Variants in PHACTR3 observed in about 807,000 individuals in gnomAD.
The protein encoded by PHACTR3 is phosphatase and actin regulator 3.
In PHACTR3, 16 loss-of-function variants were observed where a neutral mutation model predicts 66.8. That is an observed-to-expected ratio of 0.24 (90% CI 0.16 to 0.36). The LOEUF is 0.36. PHACTR3 is among the 10% of genes least tolerant of loss of function. The pLI is 1.00. For synonymous variants in PHACTR3, 323 were observed against 292.1 expected, an observed-to-expected ratio of 1.11 and a Z score of -1.08; for missense variants, 647 against 719.9, an observed-to-expected ratio of 0.90 and a Z score of 1.16.
At chr20:59,628,669 G>T (rs2034553095) in intron 1 of PHACTR3, 3 of 985,254 alleles carry the variant, frequency 3.0e-6, no homozygotes, top group Non-Finnish European at 3.6e-6. Context: ...ACTCCTGGTT[G>T]GTCTCAAGAC....
At chr20:59,616,096 A>G (rs989415337) in intron 1 of PHACTR3, among the ~76,000 whole-genome samples, 2 of 152,306 alleles carry the variant, frequency 1.3e-5, no homozygotes, top group Admixed American at 6.5e-5. Context: ...GCTTTGGAAG[A>G]TCTACCTAAC....
intron 1 of PHACTR3, among the ~76,000 whole-genome samples, chr20:59,669,279 C>G (rs1207426456): frequency 1.3e-5 from 2 of 152,182 alleles, no homozygotes; most frequent in Non-Finnish European, 1.5e-5. Context: ...TCAGCATTCC[C>G]TGTCTCAAGA....
At chr20:59,754,319 C>A (rs2039706164) in intron 3 of PHACTR3, among the ~76,000 whole-genome samples, 1 of 152,214 alleles carries the variant, frequency 6.6e-6, no homozygotes. Flanking sequence ...CTTCCTTATG[C>A]CCTGCTAGTG....
intron 1 of PHACTR3, among the ~76,000 whole-genome samples, chr20:59,672,897 C>T (rs925081460): frequency 3.3e-5 from 5 of 152,156 alleles, no homozygotes; most frequent in Non-Finnish European, 5.9e-5. Context: ...TGGGGGCTTC[C>T]AGGCAAGAGA....
rs576287017 is a variant in PHACTR3, at chr20:59,590,764, C to T, written c.109+13147C>T. 8.0e-4 allele frequency among the ~76,000 whole-genome samples: 121 copies of T among 152,200 alleles called. 1 individual carries two copies. The highest frequency in any genetic ancestry group is 2.5e-3 in the African/African-American group (104 of 41,516). ...CCTGCGAAGTCCAAGATCAAGGGGC[C>T]GGCAGATTTGCTGTCTGGTGAGTGC... On this transcript the variant is annotated intron_variant, in intron 1 of 12. Coordinates refer to the PHACTR3 transcript ENST00000359926.
chr20:59,659,250 A>G (rs2035730926), intron 1 of PHACTR3, among the ~76,000 whole-genome samples: 1 of 152,114 alleles, frequency 6.6e-6, no homozygotes, highest in African/African-American at 2.4e-5. Context: ...TTCTTCAGGC[A>G]TCATAGTTTA....
chr20:59,747,653 C>CA (rs1205500419), intron 2 of PHACTR3, 105 bp from the exon 3 acceptor site: 20 of 1,325,630 alleles, frequency 1.5e-5, no homozygotes, highest in Non-Finnish European at 2.0e-5. Flanking sequence ...CCTGCTAGCT[C>CA]AGTGTTTTTG....
intron 7 of PHACTR3, among the ~76,000 whole-genome samples, chr20:59,785,908 C>T (rs907195589): frequency 6.6e-6 from 1 of 150,998 alleles, no homozygotes; most frequent in Non-Finnish European, 1.5e-5. Context: ...CCCTCTGCAT[C>T]CCCTGCTTCT....
At chr20:59,657,731 T>C (rs557896666) in intron 1 of PHACTR3, among the ~76,000 whole-genome samples, 1 of 152,266 alleles carries the variant, frequency 6.6e-6, no homozygotes, top group East Asian at 1.9e-4. Flanking sequence ...ATTTTCATGA[T>C]TTTTCTCTTT....
At chr20:59,622,662 G>A (rs1050680081) in intron 1 of PHACTR3, among the ~76,000 whole-genome samples, 4 of 152,088 alleles carry the variant, frequency 2.6e-5, no homozygotes, top group Non-Finnish European at 4.4e-5. Flanking sequence ...CAGAGAGGCC[G>A]TGTGTGTCTC....
chr20:59,728,862 G>A (rs2038660219), intron 1 of PHACTR3, among the ~76,000 whole-genome samples: 1 of 151,894 alleles, frequency 6.6e-6, no homozygotes, highest in South Asian at 2.1e-4. Context: ...TGTGTGCCAT[G>A]CGGAGAATTT....
At chr20:59,696,573 C>T (rs968930511) in intron 1 of PHACTR3, among the ~76,000 whole-genome samples, 1 of 152,174 alleles carries the variant, frequency 6.6e-6, no homozygotes, top group Admixed American at 6.5e-5. Flanking sequence ...CACACCTAAG[C>T]AGGGTTTGCA....
chr20:59,661,753 A>G (rs896680435), intron 1 of PHACTR3, among the ~76,000 whole-genome samples: 1 of 149,480 alleles, frequency 6.7e-6, no homozygotes, highest in Non-Finnish European at 1.5e-5. Flanking sequence ...TTGGCCACGC[A>G]GCGACAGACC....
chr20:59,674,697 CTT>C (rs2036359418), intron 1 of PHACTR3, among the ~76,000 whole-genome samples: 1 of 67,654 alleles, frequency 1.5e-5, no homozygotes, highest in Admixed American at 1.6e-4. Context: ...CTGTTCCTGC[CTT>C]CTCCTGTCCC....
intron 1 of PHACTR3, among the ~76,000 whole-genome samples, chr20:59,595,653 T>C (rs1332574880): frequency 6.6e-6 from 1 of 152,174 alleles, no homozygotes; most frequent in African/African-American, 2.4e-5. Context: ...TTCTGCTTGA[T>C]GGGTCTGTTC....
chr20:59,581,251 T>A (rs2032847686), intron 1 of PHACTR3, among the ~76,000 whole-genome samples: 1 of 152,200 alleles, frequency 6.6e-6, no homozygotes, highest in Admixed American at 6.5e-5. Flanking sequence ...GACCAATGGG[T>A]GCTTGGAGGC....
chr20:59,743,261 A>G lies in PHACTR3; in HGVS notation c.273A>G (p.Thr91=), dbSNP rs764266237. 1.2e-6 allele frequency: 2 copies of G among 1,614,012 alleles called. No individual in the cohort carries two copies. Among genetic ancestry groups the G allele is most frequent in the East Asian group, 2.2e-5 (1 of 44,858 alleles). The change falls in exon 2 of 13, where the codon ACA becomes ACG. Residue 91 remains threonine, a synonymous_variant. Coordinates refer to ENST00000371015, the MANE Select transcript of PHACTR3 (RefSeq NM_080672.5). ...AGAAAAACGAAAAACTGAAGCAGAC[A>G]ACGTCAGGTAAAGGCCTGGTGACAG... ...RKKKNEKLKQ[T]TSALEKKMAG... is the part of the protein sequence containing the mutation.
intron 3 of PHACTR3, among the ~76,000 whole-genome samples, chr20:59,749,067 C>G (rs16983089): frequency 6.6e-6 from 1 of 152,052 alleles, no homozygotes; most frequent in African/African-American, 2.4e-5. Flanking sequence ...CTTACATGTG[C>G]GAGGAAAGCT....
intron 1 of PHACTR3, among the ~76,000 whole-genome samples, chr20:59,597,577 G>A (rs775826411): frequency 1.3e-5 from 2 of 152,238 alleles, no homozygotes; most frequent in Non-Finnish European, 2.9e-5. Flanking sequence ...AGTTCTACCT[G>A]ATTTGGGTAG....
Sources: allele counts gnomAD v4.1 joint callset (sites outside exome capture counted in the v4.1 genomes callset), GRCh38; gene constraint gnomAD v4.1.1; transcripts MANE v1.5; gene names NCBI Gene and HGNC (gene_info 2026-07-23, HGNC 2026-07-21).